The following ADAMTS17 variants were observed in gnomAD, a reference collection of about 807,000 sequenced individuals.
The protein encoded by ADAMTS17 is A disintegrin and metalloproteinase with thrombospondin motifs 17.
Under a neutral mutation model 141.5 loss-of-function variants are expected in ADAMTS17, and 113 were observed. The ratio of observed to expected loss-of-function variants is 0.80; its 90% CI spans 0.69 to 0.93. The LOEUF is 0.93. Among genes scored for constraint, ADAMTS17 ranks in the 40% least tolerant of loss-of-function variants. The pLI, the probability that ADAMTS17 is intolerant of heterozygous loss-of-function variation, is 0.00. For synonymous variants in ADAMTS17, 768 were observed against 630.6 expected, an observed-to-expected ratio of 1.22 and a Z score of -3.27; for missense variants, 1,659 against 1,517.9, an observed-to-expected ratio of 1.09 and a Z score of -1.54.
chr15:100,152,026 G>A (rs572238308), intron 10 of ADAMTS17, among the ~76,000 whole-genome samples: 30 of 152,160 alleles, frequency 2.0e-4, no homozygotes, highest in African/African-American at 6.8e-4. Context: ...ACAGGATCTC[G>A]GGAGCCATGG....
chr15:100,024,233 C>T (rs1479696676), intron 18 of ADAMTS17, among the ~76,000 whole-genome samples: 1 of 152,182 alleles, frequency 6.6e-6, no homozygotes, highest in Non-Finnish European at 1.5e-5. Context: ...GCTGGGACTA[C>T]AAGCACATGT....
At chr15:100,060,749 T>C (rs1293082177) in intron 15 of ADAMTS17, among the ~76,000 whole-genome samples, 1 of 152,198 alleles carries the variant, frequency 6.6e-6, no homozygotes, top group Non-Finnish European at 1.5e-5. Context: ...TGCCCAGGCA[T>C]TTCCTGTTCC....
chr15:100,180,532 A>T (rs530364135), intron 8 of ADAMTS17, among the ~76,000 whole-genome samples: 2 of 151,608 alleles, frequency 1.3e-5, no homozygotes, highest in Admixed American at 6.6e-5. Context: ...AAATTTTAGG[A>T]TTTTTTTTCT....
intron 8 of ADAMTS17, 74 bp downstream of exon 8, chr15:100,199,244 A>T: frequency 1.5e-6 from 2 of 1,352,174 alleles, no homozygotes; most frequent in Non-Finnish European, 2.1e-6. Flanking sequence ...TTTAGAACTT[A>T]CAGAATTCAA....
At chr15:100,084,342 G>A (rs919107990) in intron 15 of ADAMTS17, among the ~76,000 whole-genome samples, 8 of 152,188 alleles carry the variant, frequency 5.3e-5, no homozygotes, top group Non-Finnish European at 8.8e-5. Context: ...CAAAGCCGCC[G>A]GGAAGCTCGA....
intron 18 of ADAMTS17, among the ~76,000 whole-genome samples, chr15:100,012,652 C>A (rs1297698562): frequency 6.6e-6 from 1 of 152,178 alleles, no homozygotes; most frequent in Admixed American, 6.5e-5. Flanking sequence ...GTCCTTTCCC[C>A]ACTTTATGTT....
At chr15:100,034,757 G>A (rs891794059) in intron 18 of ADAMTS17, among the ~76,000 whole-genome samples, 1 of 152,206 alleles carries the variant, frequency 6.6e-6, no homozygotes, top group East Asian at 1.9e-4. Flanking sequence ...CTGCTCCCTC[G>A]TGTGCCCGAC....
intron 9 of ADAMTS17, 45 bp from the exon 10 acceptor site, chr15:100,152,807 G>A: frequency 6.2e-7 from 1 of 1,601,564 alleles, no homozygotes; most frequent in Non-Finnish European, 8.5e-7. Context: ...GTACTGCCTA[G>A]GTTTTTTTGT....
intron 7 of ADAMTS17, among the ~76,000 whole-genome samples, chr15:100,203,655 A>G (rs2041424638): frequency 6.6e-6 from 1 of 152,224 alleles, no homozygotes; most frequent in South Asian, 2.1e-4. Context: ...CAGTGAGCCG[A>G]GATCGCGCCA....
intron 4 of ADAMTS17, among the ~76,000 whole-genome samples, chr15:100,270,896 T>C (rs2043885132): frequency 6.6e-6 from 1 of 151,552 alleles, no homozygotes; most frequent in Non-Finnish European, 1.5e-5. Flanking sequence ...CTGTACCCAT[T>C]AGACAACTCT....
intron 3 of ADAMTS17, among the ~76,000 whole-genome samples, chr15:100,329,264 C>A (rs935482007): frequency 1.3e-5 from 2 of 152,110 alleles, no homozygotes; most frequent in Non-Finnish European, 2.9e-5. Context: ...GGGGGCCAGG[C>A]ATAGTGGCTC....
chr15:100,060,280 T>C (rs765849078), intron 15 of ADAMTS17, among the ~76,000 whole-genome samples: 4 of 152,256 alleles, frequency 2.6e-5, no homozygotes, highest in Admixed American at 2.0e-4. Flanking sequence ...GTTAGACTTC[T>C]GTGGGGCACC....
chr15:100,171,149 G>C (rs1228164432), intron 8 of ADAMTS17, among the ~76,000 whole-genome samples: 2 of 152,080 alleles, frequency 1.3e-5, no homozygotes. Context: ...CCTGCAGGAG[G>C]GGCTGCAGTT....
In ADAMTS17 at chr15:99,996,531, A is replaced by G. The variant is rs539535871; in HGVS notation, c.2796+854T>C. Among the ~76,000 whole-genome samples the G allele has an allele frequency of 4.6e-5, 7 of 152,370 alleles. No homozygotes were observed. The South Asian group carries it at 1.4e-3, about 32-fold the overall frequency. ...TGTAGGACTAAAAATCCTGATCTAT[A>G]AACAAATACATGCCAAGATCTGTTT... On this transcript the variant is annotated intron_variant, in intron 19 of 21. Coordinates refer to ENST00000268070, the MANE Select transcript of ADAMTS17 (RefSeq NM_139057.4).
chr15:100,250,846 T>C (rs1366682214), intron 7 of ADAMTS17, among the ~76,000 whole-genome samples: 2 of 152,178 alleles, frequency 1.3e-5, no homozygotes, highest in African/African-American at 2.4e-5. Context: ...AACAGACCTC[T>C]CTGTACTCTT....
intron 7 of ADAMTS17, among the ~76,000 whole-genome samples, chr15:100,247,742 A>G (rs566719539): frequency 1.3e-5 from 2 of 152,128 alleles, no homozygotes; most frequent in Non-Finnish European, 2.9e-5. Flanking sequence ...AACACCGTCC[A>G]TTACCCACAC....
At chr15:100,188,739 G>A (rs2040813357) in intron 8 of ADAMTS17, among the ~76,000 whole-genome samples, 1 of 152,192 alleles carries the variant, frequency 6.6e-6, no homozygotes, top group Non-Finnish European at 1.5e-5. Flanking sequence ...CCAGGTGATA[G>A]AGGAGGCTGA....
At chr15:100,146,665 C>T (rs906317699) in intron 10 of ADAMTS17, among the ~76,000 whole-genome samples, 11 of 152,222 alleles carry the variant, frequency 7.2e-5, no homozygotes, top group South Asian at 2.1e-4. Flanking sequence ...GTGAGCCAGG[C>T]GGAACAGAGC....
At chr15:100,107,923 A>G (rs1320404405) in intron 14 of ADAMTS17, among the ~76,000 whole-genome samples, 1 of 152,166 alleles carries the variant, frequency 6.6e-6, no homozygotes, top group Admixed American at 6.5e-5. Flanking sequence ...GACCCGAGTC[A>G]CCAGGGAGTA....
Sources: gnomAD v4.1 joint callset for allele counts (sites outside exome capture counted in the v4.1 genomes callset) on GRCh38, gnomAD v4.1.1 for gene constraint, MANE v1.5 for transcripts, NCBI Gene and HGNC (gene_info 2026-07-23, HGNC 2026-07-21) for gene names.